Variants in GRB10 observed in about 807,000 individuals in gnomAD.
GRB10 encodes growth factor receptor-bound protein 10.
In GRB10, 20 loss-of-function variants were observed where a neutral mutation model predicts 80.9. The ratio of observed to expected loss-of-function variants is 0.25; its 90% CI spans 0.17 to 0.36. GRB10 has a LOEUF of 0.36. Among genes scored for constraint, GRB10 ranks in the 10% least tolerant of loss-of-function variants. GRB10 has a pLI of 1.00. For synonymous variants in GRB10, 291 were observed against 291.5 expected (o/e 1.00, Z 0.02); for missense variants, 548 against 747.7 (o/e 0.73, Z 3.12).
intron 7 of GRB10, among the ~76,000 whole-genome samples, chr7:50,667,318 G>C (rs1429753931): frequency 6.6e-6 from 1 of 152,132 alleles, no homozygotes; most frequent in Non-Finnish European, 1.5e-5. Flanking sequence ...CGTTAACTGA[G>C]TTCTTCCCTG....
Position 50,654,966 on chromosome 7 carries a change from G to GA in GRB10, c.504+14755dup, listed in dbSNP as rs200224057. On this transcript the variant is annotated intron_variant, in intron 7 of 18. Coordinates refer to ENST00000401949, the MANE Select transcript of GRB10 (RefSeq NM_001350814.2). ...CTGACTCCTGTCCTTTTAGAAAAGG[G>GA]AAAAAAAACAAAAACAATGTTGTTC... Among the ~76,000 whole-genome samples the GA allele has an allele frequency of 5.8e-3, 875 of 151,598 alleles. 9 individuals carry two copies. Among genetic ancestry groups the GA allele is most frequent in the African/African-American group, 0.019 (793 of 41,352 alleles).
In GRB10 at chr7:50,631,263, C is replaced by T. The variant is rs34116903; in HGVS notation, c.505-4285G>A. Reference sequence around the variant, plus strand: ...TCTTTGCTCAAGGCTCAGCAGTAATCGCCTTGTAAAAATAGCAAATGGGGC... The same window carrying T: ...TCTTTGCTCAAGGCTCAGCAGTAATTGCCTTGTAAAAATAGCAAATGGGGC... On this transcript the variant is annotated intron_variant, in intron 7 of 18. Coordinates refer to ENST00000401949, the MANE Select transcript of GRB10 (RefSeq NM_001350814.2). Among the ~76,000 whole-genome samples the T allele has an allele frequency of 3.4e-3, 513 of 152,248 alleles. 3 individuals are homozygous for T. The highest frequency in any genetic ancestry group is 5.8e-3 in the Non-Finnish European group (397 of 68,032).
At chr7:50,662,567 A>C (rs2059388637) in intron 7 of GRB10, among the ~76,000 whole-genome samples, 1 of 152,222 alleles carries the variant, frequency 6.6e-6, no homozygotes, top group African/African-American at 2.4e-5. Context: ...GGCAGGAAGA[A>C]GACTAAGGCT....
intron 5 of GRB10, among the ~76,000 whole-genome samples, chr7:50,676,902 A>G (rs2061020204): frequency 6.6e-6 from 1 of 152,110 alleles, no homozygotes; most frequent in Non-Finnish European, 1.5e-5. Flanking sequence ...GTGAGGACAG[A>G]AGGGAGGCTG....
intron 7 of GRB10, among the ~76,000 whole-genome samples, chr7:50,657,500 T>C (rs911430423): frequency 6.6e-6 from 1 of 152,186 alleles, no homozygotes; most frequent in Non-Finnish European, 1.5e-5. Context: ...TGTGCGCCGG[T>C]ACATGGTGTT....
At chr7:50,770,601 T>G (rs1197591557) in intron 2 of GRB10, among the ~76,000 whole-genome samples, 1 of 152,226 alleles carries the variant, frequency 6.6e-6, no homozygotes, top group Non-Finnish European at 1.5e-5. Context: ...CGATGTGTCC[T>G]TGTCCCTTGC....
Position 50,684,108 on chromosome 7 carries a change from T to C in GRB10, c.140-9450A>G, listed in dbSNP as rs2153651873. Among the ~76,000 whole-genome samples, 2 of 152,234 alleles carry C rather than the reference T, an allele frequency of 1.3e-5. 1 individual carries two copies. The highest frequency in any genetic ancestry group is 4.2e-4 in the South Asian group (2 of 4,814). ...GTGGAGGCTCATTAAATTAAACTTA[T>C]AAAAATGTAGAAAGTCTATCTCCTT... On this transcript the variant is annotated intron_variant, in intron 5 of 18. Coordinates refer to ENST00000401949, the MANE Select transcript of GRB10 (RefSeq NM_001350814.2).
intron 7 of GRB10, among the ~76,000 whole-genome samples, chr7:50,653,628 C>A (rs1288345410): frequency 6.6e-6 from 1 of 152,132 alleles, no homozygotes; most frequent in Non-Finnish European, 1.5e-5. Flanking sequence ...CCTCTGAGTT[C>A]TCCCACACTC....
intron 16 of GRB10, 61 bp downstream of exon 16, chr7:50,604,250 G>A (rs1444275071): frequency 6.3e-6 from 9 of 1,424,078 alleles, no homozygotes; most frequent in Non-Finnish European, 7.0e-6. Context: ...AGGGGGAGTG[G>A]AGGGGGGTGC....
At chr7:50,791,907 A>C (rs924908745) in intron 1 of GRB10, among the ~76,000 whole-genome samples, 1 of 152,224 alleles carries the variant, frequency 6.6e-6, no homozygotes, top group Non-Finnish European at 1.5e-5. Context: ...CACCGCTGTC[A>C]CAGCCAGAAG....
At chr7:50,711,230 G>A (rs1358208384) in intron 4 of GRB10, among the ~76,000 whole-genome samples, 1 of 150,052 alleles carries the variant, frequency 6.7e-6, no homozygotes, top group Non-Finnish European at 1.5e-5. Context: ...GCTCCTGAGG[G>A]TGCAGTTAAA....
chr7:50,655,580 T>C (rs2058563749), intron 7 of GRB10, among the ~76,000 whole-genome samples: 1 of 152,188 alleles, frequency 6.6e-6, no homozygotes, highest in Admixed American at 6.5e-5. Flanking sequence ...ACTGCCCTAG[T>C]CCAGATAACA....
intron 7 of GRB10, among the ~76,000 whole-genome samples, chr7:50,633,636 G>A (rs1163445592): frequency 6.6e-6 from 1 of 151,828 alleles, no homozygotes; most frequent in Non-Finnish European, 1.5e-5. Context: ...AGAGAAAGTT[G>A]AAAACCAACA....
rs1347986417 is a variant in GRB10 at position 50,754,107 on chromosome 7, C to T, written c.-47+1780G>A. 2.6e-5 allele frequency among the ~76,000 whole-genome samples: 4 copies of T among 152,208 alleles called. No homozygotes were observed. The East Asian group carries it at 7.7e-4, about 29-fold the overall frequency. On this transcript the variant is annotated intron_variant, in intron 3 of 18. Transcript: ENST00000401949. Reference sequence around the variant, plus strand: ...CTGCCTGCCCGTGAGCACGGCACTCCCTGATTCAGCTTCGCAGGGCTGCCT... The same window carrying T: ...CTGCCTGCCCGTGAGCACGGCACTCTCTGATTCAGCTTCGCAGGGCTGCCT...
intron 7 of GRB10, among the ~76,000 whole-genome samples, chr7:50,659,018 A>G (rs1316781162): frequency 6.6e-6 from 1 of 152,220 alleles, no homozygotes; most frequent in Non-Finnish European, 1.5e-5. Context: ...TCACCATTTT[A>G]AAAATAATCA....
At chr7:50,752,361 T>A (rs923989981) in intron 3 of GRB10, among the ~76,000 whole-genome samples, 2 of 152,204 alleles carry the variant, frequency 1.3e-5, no homozygotes, top group Non-Finnish European at 2.9e-5. Context: ...TTCTCTTTCC[T>A]ACGGGAAAGG....
intron 5 of GRB10, among the ~76,000 whole-genome samples, chr7:50,694,255 T>G (rs1447861421): frequency 6.6e-6 from 1 of 152,058 alleles, no homozygotes; most frequent in Non-Finnish European, 1.5e-5. Flanking sequence ...ACCTGGGAGG[T>G]GGAGGTTGCA....
chr7:50,716,704 A>G (rs73697065), intron 4 of GRB10, among the ~76,000 whole-genome samples: 1,601 of 152,326 alleles, frequency 0.011, 26 homozygotes, highest in African/African-American at 0.036. Flanking sequence ...AGGATTAACC[A>G]GACATTGGAC....
chr7:50,687,366 G>A (rs2062224661), intron 5 of GRB10, among the ~76,000 whole-genome samples: 1 of 152,224 alleles, frequency 6.6e-6, no homozygotes, highest in South Asian at 2.1e-4. Context: ...GTAGGCTCCA[G>A]GAGTGACACT....
Sources: allele counts gnomAD v4.1 joint callset (sites outside exome capture counted in the v4.1 genomes callset), GRCh38; gene constraint gnomAD v4.1.1; transcripts MANE v1.5; gene names NCBI Gene and HGNC (gene_info 2026-07-23, HGNC 2026-07-21).